Variants in ARL5B observed in about 807,000 individuals in gnomAD.
ARL5B encodes ADP-ribosylation factor-like protein 5B.
ARL5B carries 10 observed loss-of-function variants against 26.9 expected under a neutral mutation model. That is an observed-to-expected ratio of 0.37 (90% CI 0.23 to 0.63). ARL5B has a LOEUF of 0.63. Among genes scored for constraint, ARL5B ranks in the 30% least tolerant of loss-of-function variants. The probability of loss-of-function intolerance (pLI) is 0.62; values close to 1 mark genes in which losing one functional copy is unlikely to be tolerated. For missense variants in ARL5B, 167 were observed against 213.9 expected, an observed-to-expected ratio of 0.78 and a Z score of 1.37; for synonymous variants, 87 against 70.4, an observed-to-expected ratio of 1.24 and a Z score of -1.18.
intron 1 of ARL5B, among the ~76,000 whole-genome samples, chr10:18,664,645 A>G (rs550036423): frequency 5.3e-5 from 8 of 151,194 alleles, no homozygotes; most frequent in Admixed American, 5.3e-4. Flanking sequence ...TCACCGTGTT[A>G]GCCAGGATGG....
intron 1 of ARL5B, among the ~76,000 whole-genome samples, chr10:18,660,288 C>A (rs1362246579): frequency 6.6e-6 from 1 of 151,978 alleles, no homozygotes; most frequent in Non-Finnish European, 1.5e-5. Flanking sequence ...CGTTACGTGT[C>A]CGTAATTAGT....
rs528217829 is a variant in ARL5B, at chr10:18,676,502, ATAATC to A, written c.*1290_*1294del. 1.3e-3 allele frequency: 191 copies of A among 152,170 alleles called. No homozygotes were observed. Among genetic ancestry groups the A allele is most frequent in the African/African-American group, 4.5e-3 (188 of 41,560 alleles). 9.4% of individuals were successfully genotyped at this position (152,170 alleles called of 1,614,324 possible). ...TTGAGGCAGTTGTCTAATATGAACA[ATAATC>A]TAAACAATATATTCCTTAAATTAAG... On this transcript the variant is annotated 3_prime_UTR_variant, in exon 6 of 6. Coordinates refer to ENST00000377275, the MANE Select transcript of ARL5B (RefSeq NM_178815.5).
chr10:18,664,135 G>A (rs1033804648), intron 1 of ARL5B, among the ~76,000 whole-genome samples: 1 of 151,376 alleles, frequency 6.6e-6, no homozygotes, highest in Admixed American at 6.6e-5. Flanking sequence ...TGTATTTTTA[G>A]TAGAGACGGA....
chr10:18,665,355 T>C (rs2059856794), intron 1 of ARL5B, among the ~76,000 whole-genome samples: 1 of 152,130 alleles, frequency 6.6e-6, no homozygotes, highest in Admixed American at 6.5e-5. Context: ...AGAATTATAG[T>C]GAGTTATACT....
Position 18,674,082 on chromosome 10 carries a change from A to C in ARL5B, c.438A>C (p.Ser146=). The C allele has an allele frequency of 6.2e-7, 1 of 1,613,242 alleles. No individual in the cohort carries two copies. Among genetic ancestry groups the C allele is most frequent in the African/African-American group, 1.3e-5 (1 of 74,970 alleles). Residue 146 remains serine, a synonymous_variant, in exon 5 of 6, where the codon TCA becomes TCC. Transcript: ENST00000377275. The part of the protein sequence containing the change: ...AEISKYLTLS[S]IKDHPWHIQS... ...TCTCGAAATACCTCACCCTTAGTTCAATTAAGGATCATCCATGGCACATTC... is the reference window on the plus strand; with the variant it reads ...TCTCGAAATACCTCACCCTTAGTTCCATTAAGGATCATCCATGGCACATTC...
intron 2 of ARL5B, among the ~76,000 whole-genome samples, chr10:18,667,532 T>C (rs2059866732): frequency 6.6e-6 from 1 of 152,140 alleles, no homozygotes; most frequent in Admixed American, 6.5e-5. Flanking sequence ...TGAAATAATT[T>C]TACACATGGC....
At chr10:18,671,943 A>G (rs1328665895) in intron 3 of ARL5B, among the ~76,000 whole-genome samples, 4 of 152,170 alleles carry the variant, frequency 2.6e-5, no homozygotes, top group Non-Finnish European at 5.9e-5. Flanking sequence ...GTGAGCCACA[A>G]TGCCTGGCCT....
At position 18,675,874 on chromosome 10, in the gene ARL5B, C is replaced by T. The variant is rs180984404; in HGVS notation, c.*658C>T. ...TTTATTTATCTAAAGGAATCAAGTC[C>T]ACTCTTCTGCCTGCAACATTTGTTC... On this transcript the variant is annotated 3_prime_UTR_variant, in exon 6 of 6. Transcript: ENST00000377275. 6.6e-6 allele frequency: 1 copy of T among 152,108 alleles called. No individual in the cohort carries two copies. The highest frequency in any genetic ancestry group is 6.5e-5 in the Admixed American group (1 of 15,272). The allele number at this position is 152,108 out of a possible 1,614,324, so 9.4% of individuals were successfully genotyped here.
rs1249027770 is a variant in ARL5B, at chr10:18,679,906, A to G, written c.*4690A>G. The G allele has an allele frequency of 6.6e-6, 1 of 151,938 alleles. No individual in the cohort carries two copies. The highest frequency in any genetic ancestry group is 1.5e-5 in the Non-Finnish European group (1 of 67,854). 9.4% of individuals were successfully genotyped at this position (151,938 alleles called of 1,614,324 possible). Reference sequence around the variant, plus strand: ...TACTAAAAAATACTGTCTTTTTACCATACAGCTAGATGGCCTGTATTATTC... The same window carrying G: ...TACTAAAAAATACTGTCTTTTTACCGTACAGCTAGATGGCCTGTATTATTC... On this transcript the variant is annotated 3_prime_UTR_variant, in exon 6 of 6. Coordinates refer to ENST00000377275, the MANE Select transcript of ARL5B (RefSeq NM_178815.5).
Position 18,659,703 on chromosome 10 carries a change from G to T in ARL5B, c.46+20G>T. 1 of 1,608,758 alleles carries T rather than the reference G, an allele frequency of 6.2e-7. No homozygotes were observed. The stretch of plus-strand genomic sequence containing the variant: ...ACCAAGGTGAGAAGAATGGAGCTGC[G>T]CGGCGGCTCGAATCCGAGGCAGAGG... On this transcript the variant is annotated intron_variant, in intron 1 of 5. Coordinates refer to ENST00000377275, the MANE Select transcript of ARL5B (RefSeq NM_178815.5).
At chr10:18,663,860 G>C (rs2059848439) in intron 1 of ARL5B, among the ~76,000 whole-genome samples, 1 of 151,398 alleles carries the variant, frequency 6.6e-6, no homozygotes, top group South Asian at 2.1e-4. Context: ...AGCTTATTCT[G>C]CTCTTAACTC....
chr10:18,660,998 G>A (rs1404665631), intron 1 of ARL5B, among the ~76,000 whole-genome samples: 1 of 151,980 alleles, frequency 6.6e-6, no homozygotes, highest in African/African-American at 2.4e-5. Flanking sequence ...ACAGGCACCC[G>A]CCACCACGCC....
chr10:18,677,770 T>C lies in ARL5B; in HGVS notation c.*2554T>C, dbSNP rs930951452. Reference sequence around the variant, plus strand: ...TATTATACCTGTTCTTTAGAAGTCATGTTAGCAGCTAATTATTTCAGTGAT... The same window carrying C: ...TATTATACCTGTTCTTTAGAAGTCACGTTAGCAGCTAATTATTTCAGTGAT... On this transcript the variant is annotated 3_prime_UTR_variant, in exon 6 of 6. Transcript: ENST00000377275. 1.3e-4 allele frequency: 20 copies of C among 152,302 alleles called. No individual in the cohort carries two copies. Among genetic ancestry groups the C allele is most frequent in the African/African-American group, 3.6e-4 (15 of 41,430 alleles). The allele number at this position is 152,302 out of a possible 1,614,324, so 9.4% of individuals were successfully genotyped here.
Position 18,660,489 on chromosome 10 carries a change from G to C in ARL5B, c.46+806G>C, listed in dbSNP as rs143734706. On this transcript the variant is annotated intron_variant, in intron 1 of 5. Transcript: ENST00000377275. ...AATGGTTTCTTAGTAATTGAAACCA[G>C]TTTTGAAAATCAACTCGTTTCATTT... Among the ~76,000 whole-genome samples the C allele has an allele frequency of 2.9e-3, 438 of 152,308 alleles. 2 individuals are homozygous for C. Among genetic ancestry groups the C allele is most frequent in the African/African-American group, 0.01 (420 of 41,588 alleles).
In ARL5B at chr10:18,681,410, A is replaced by G. The variant is rs2131658081; in HGVS notation, c.*6194A>G. ...ATTAGTTATGAAGTGCTTCTTTTAT[A>G]TGTTAAGTTTAGGTTGCCAGTACTC... On this transcript the variant is annotated 3_prime_UTR_variant, in exon 6 of 6. Coordinates refer to ENST00000377275, the MANE Select transcript of ARL5B (RefSeq NM_178815.5). 6.6e-6 allele frequency: 1 copy of G among 152,320 alleles called. No homozygotes were observed. Among genetic ancestry groups the G allele is most frequent in the African/African-American group, 2.4e-5 (1 of 41,582 alleles). 9.4% of individuals were successfully genotyped at this position (152,320 alleles called of 1,614,324 possible).
chr10:18,660,286 G>A lies in ARL5B; in HGVS notation c.46+603G>A, dbSNP rs551582009. Among the ~76,000 whole-genome samples, 90 of 152,136 alleles carry A rather than the reference G, an allele frequency of 5.9e-4. 1 individual carries two copies. The highest frequency in any genetic ancestry group is 2.0e-3 in the African/African-American group (82 of 41,504). Reference sequence around the variant, plus strand: ...TTCGGTTTTGTGTAAGACGTTACGTGTCCGTAATTAGTCTGTAACAGGTAA... The same window carrying A: ...TTCGGTTTTGTGTAAGACGTTACGTATCCGTAATTAGTCTGTAACAGGTAA... On this transcript the variant is annotated intron_variant, in intron 1 of 5. Transcript: ENST00000377275.
At chr10:18,668,770 C>CA in intron 3 of ARL5B, 93 bp downstream of exon 3, 1 of 904,414 alleles carries the variant, frequency 1.1e-6, no homozygotes, top group Non-Finnish European at 1.5e-6. Flanking sequence ...TGACAGTTGC[C>CA]TTTTTTTTTT....
rs922177312 is a variant in ARL5B, at chr10:18,681,621, A to C, written c.*6405A>C. On this transcript the variant is annotated 3_prime_UTR_variant, in exon 6 of 6. Coordinates refer to ENST00000377275, the MANE Select transcript of ARL5B (RefSeq NM_178815.5). ...CAACAGTTTTATTTTTGTCATAATA[A>C]ATAATTACTTTTCCAATACGAAGTG... The C allele has an allele frequency of 6.6e-6, 1 of 152,192 alleles. No homozygotes were observed. The highest frequency in any genetic ancestry group is 1.5e-5 in the Non-Finnish European group (1 of 68,044). The allele number at this position is 152,192 out of a possible 1,614,324, so 9.4% of individuals were successfully genotyped here. A position where few individuals can be genotyped will look rare whatever the true frequency, so the allele number is the denominator to read the frequency against.
rs781044276 is a variant in ARL5B, at chr10:18,673,219, G to A, written c.339+514G>A. On this transcript the variant is annotated intron_variant, in intron 4 of 5. Coordinates refer to ENST00000377275, the MANE Select transcript of ARL5B (RefSeq NM_178815.5). ...TGGGATTACAGGAACCCGCCACCAC[G>A]CCTGGTTAATTTTTGTATTTTTAGT... is the stretch of plus-strand genomic sequence containing the variant. Among the ~76,000 whole-genome samples the A allele has an allele frequency of 5.9e-5, 9 of 151,872 alleles. No individual in the cohort carries two copies. In the South Asian group the frequency reaches 8.3e-4, roughly 14 times the overall value.
Sources: allele counts gnomAD v4.1 joint callset (sites outside exome capture counted in the v4.1 genomes callset), GRCh38; gene constraint gnomAD v4.1.1; transcripts MANE v1.5; gene names NCBI Gene and HGNC (gene_info 2026-07-23, HGNC 2026-07-21).